Variants in NUP98 observed in about 807,000 individuals in gnomAD.
NUP98 encodes the protein nuclear pore complex protein Nup98-Nup96.
Under a neutral mutation model 191.9 loss-of-function variants are expected in NUP98, and 26 were observed. That is an observed-to-expected ratio of 0.14 (90% CI 0.10 to 0.19). NUP98 has a LOEUF of 0.19. Among genes scored for constraint, NUP98 ranks in the 10% least tolerant of loss-of-function variants. NUP98 has a pLI of 1.00. For synonymous variants in NUP98, 808 were observed against 778.4 expected, an observed-to-expected ratio of 1.04 and a Z score of -0.63; for missense variants, 1,941 against 2,178.8, an observed-to-expected ratio of 0.89 and a Z score of 2.17.
intron 1 of NUP98, among the ~76,000 whole-genome samples, chr11:3,790,763 ATTC>A (rs1328269893): frequency 6.6e-6 from 1 of 152,226 alleles, no homozygotes; most frequent in Non-Finnish European, 1.5e-5. Flanking sequence ...CTACAGCACA[ATTC>A]TTTTTAATTC....
chr11:3,704,989 CAG>C (rs1243498960), intron 22 of NUP98, among the ~76,000 whole-genome samples: 1 of 152,228 alleles, frequency 6.6e-6, no homozygotes, highest in Non-Finnish European at 1.5e-5. Flanking sequence ...GTCTGTGCAA[CAG>C]AGAGAGACCC....
intron 20 of NUP98, chr11:3,712,141 A>C: frequency 1.9e-6 from 2 of 1,062,842 alleles, no homozygotes; most frequent in Non-Finnish European, 2.3e-6. Context: ...TGGAGATTAA[A>C]AACCCTTTCA....
At chr11:3,759,682 G>A (rs2081098999) in intron 10 of NUP98, among the ~76,000 whole-genome samples, 2 of 152,044 alleles carry the variant, frequency 1.3e-5, no homozygotes, top group South Asian at 4.1e-4. Flanking sequence ...TTAAGGTTTT[G>A]AAAATTATTG....
chr11:3,702,655 A>G lies in NUP98; in HGVS notation c.3320T>C (p.Val1107Ala). ...CAAGAGTTTTCCCTTGCCATAGGTG[A>G]CAGACTTTTCACGAGGGACTAGGCC... is the stretch of plus-strand genomic sequence containing the variant. ...QLGLVPREKS[V>A]TYGKGKLLMD... Residue 1107 changes from valine (V) to alanine (A), a missense_variant, in exon 23 of 33, where the codon GTC becomes GCC. Physicochemically the swap from Val to Ala is moderately conservative, Grantham distance 64. Coordinates refer to ENST00000324932, the MANE Select transcript of NUP98 (RefSeq NM_016320.5). The G allele has an allele frequency of 6.2e-7, 1 of 1,614,130 alleles. No homozygotes were observed. The highest frequency in any genetic ancestry group is 8.5e-7 in the Non-Finnish European group (1 of 1,180,024).
chr11:3,747,441 A>G (rs2134400720), intron 11 of NUP98, among the ~76,000 whole-genome samples: 2 of 152,298 alleles, frequency 1.3e-5, no homozygotes, highest in South Asian at 4.1e-4. Flanking sequence ...TTACTAAATA[A>G]CCAAGGCAGT....
At chr11:3,677,117 A>G (rs1358150169) in intron 31 of NUP98, among the ~76,000 whole-genome samples, 1 of 152,242 alleles carries the variant, frequency 6.6e-6, no homozygotes, top group Non-Finnish European at 1.5e-5. Flanking sequence ...AAGAAAACAC[A>G]AAACAGTAAT....
rs548005365 is a variant in NUP98 at position 3,797,478 on chromosome 11, C to G, written c.-107G>C. On this transcript the variant is annotated 5_prime_UTR_variant, in exon 1 of 33. Transcript: ENST00000324932. Reference sequence around the variant, plus strand: ...CTCACAGAGCAGCGCGCGGCCCCCACGAAACCGTCGCCGCCGCCGCTACCA... The same window carrying G: ...CTCACAGAGCAGCGCGCGGCCCCCAGGAAACCGTCGCCGCCGCCGCTACCA... The G allele has an allele frequency of 9.2e-6, 4 of 433,290 alleles. No individual in the cohort carries two copies. In the South Asian group the frequency reaches 1.8e-4, roughly 19 times the overall value. The allele number at this position is 433,290 out of a possible 1,614,324, so 26.8% of individuals were successfully genotyped here.
intron 10 of NUP98, among the ~76,000 whole-genome samples, chr11:3,757,094 A>T (rs71480408): frequency 0.076 from 10,922 of 143,972 alleles, 483 homozygotes; most frequent in Non-Finnish European, 0.11. Flanking sequence ...TCTCAAAAAA[A>T]AAATATATAT....
chr11:3,694,232 G>A (rs1008123728), intron 26 of NUP98, among the ~76,000 whole-genome samples: 1 of 151,862 alleles, frequency 6.6e-6, no homozygotes, highest in Non-Finnish European at 1.5e-5. Flanking sequence ...TTAGCCAGGC[G>A]TGGTGGCAGG....
chr11:3,683,383 G>A lies in NUP98; in HGVS notation c.4735C>T (p.Pro1579Ser). The change falls in exon 30 of 33, where the codon CCT becomes TCT. Residue 1579 changes from proline to serine, a missense_variant. Physicochemically the swap from Pro to Ser is moderately conservative, Grantham distance 74 (BLOSUM62 -1). This residue lies in a region of NUP98 where 1,030 missense variants were observed against 1,115.8 expected (regional missense o/e 0.92). Transcript: ENST00000324932. ...LTRHCQLLET[P>S]ESWAKETFLT... ...AAAGTCTCTTTAGCCCAAGATTCAG[G>A]GGTCTCCAACAGCTGGCAGTGCCGG... 1 of 1,614,138 alleles carries A rather than the reference G, an allele frequency of 6.2e-7. No individual in the cohort carries two copies. The highest frequency in any genetic ancestry group is 8.5e-7 in the Non-Finnish European group (1 of 1,180,028).
chr11:3,753,524 T>G (rs1470882347), intron 10 of NUP98, 116 bp from the exon 11 acceptor site: 4 of 709,810 alleles, frequency 5.6e-6, no homozygotes, highest in Non-Finnish European at 9.5e-6. Flanking sequence ...CAGTTAATAT[T>G]TAGGACTCCT....
intron 18 of NUP98, among the ~76,000 whole-genome samples, chr11:3,715,041 T>G (rs1207602536): frequency 6.6e-6 from 1 of 152,214 alleles, no homozygotes; most frequent in East Asian, 1.9e-4. Context: ...AATTCTATTT[T>G]TAACTCTTCC....
rs760954801 is a variant in NUP98, at chr11:3,700,600, G to A, written c.3742+10C>T. ...GGACATCAAACATTAGAAACATAGT[G>A]TGTACTCACTTTGTGCTTCTGGTAA... On this transcript the variant is annotated intron_variant, in intron 24 of 32. Transcript: ENST00000324932. The A allele has an allele frequency of 6.4e-7, 1 of 1,571,100 alleles. No individual in the cohort carries two copies. Among genetic ancestry groups the A allele is most frequent in the Non-Finnish European group, 8.8e-7 (1 of 1,141,806 alleles).
intron 16 of NUP98, among the ~76,000 whole-genome samples, chr11:3,722,032 T>TA (rs1337579410): frequency 6.0e-5 from 9 of 149,982 alleles, no homozygotes; most frequent in Non-Finnish European, 8.9e-5. Context: ...AACTTCCTAT[T>TA]AAAAAGATAT....
chr11:3,677,725 T>C lies in NUP98; in HGVS notation c.5074-1105A>G, dbSNP rs117289638. 4.5e-4 allele frequency among the ~76,000 whole-genome samples: 68 copies of C among 152,282 alleles called. No homozygotes were observed. In the East Asian group the frequency reaches 0.012, roughly 28 times the overall value. ...CATACAGTGAGTTCTCCATAATAGG[T>C]TGTGTGAATGAATTACTCAATATTC... On this transcript the variant is annotated intron_variant, in intron 31 of 32. Coordinates refer to ENST00000324932, the MANE Select transcript of NUP98 (RefSeq NM_016320.5).
intron 1 of NUP98, among the ~76,000 whole-genome samples, chr11:3,796,727 C>T (rs2082615910): frequency 1.3e-5 from 2 of 152,302 alleles, no homozygotes; most frequent in African/African-American, 4.8e-5. Context: ...CTAATCCTGC[C>T]TGTTACTCCG....
At chr11:3,765,164 T>C (rs2081295292) in intron 8 of NUP98, among the ~76,000 whole-genome samples, 1 of 152,236 alleles carries the variant, frequency 6.6e-6, no homozygotes. Context: ...TTTGATGATA[T>C]CCCTTTGATA....
chr11:3,719,373 A>G (rs753121919), intron 18 of NUP98, 39 bp downstream of exon 18: 1 of 1,550,648 alleles, frequency 6.4e-7, no homozygotes, highest in East Asian at 2.4e-5. Context: ...AAAAATTGTG[A>G]TTTAGCTGAT....
intron 8 of NUP98, among the ~76,000 whole-genome samples, chr11:3,765,693 C>A (rs2081313616): frequency 6.6e-6 from 1 of 151,030 alleles, no homozygotes; most frequent in Admixed American, 6.6e-5. Flanking sequence ...CCCAGTTACT[C>A]AGGAGACCAA....
Sources: allele counts gnomAD v4.1 joint callset (sites outside exome capture counted in the v4.1 genomes callset), GRCh38; gene constraint gnomAD v4.1.1; regional missense constraint gnomAD v4.1.1; transcripts MANE v1.5; gene names NCBI Gene and HGNC (gene_info 2026-07-23, HGNC 2026-07-21).